PDE4A: variants seen among roughly 807,000 people sequenced by gnomAD.
PDE4A encodes 3',5'-cyclic-AMP phosphodiesterase 4A.
PDE4A carries 21 observed loss-of-function variants against 73.9 expected under a neutral mutation model. That is an observed-to-expected ratio of 0.28 (90% CI 0.20 to 0.41). PDE4A has a LOEUF of 0.41. PDE4A is among the 10% of genes least tolerant of loss of function. PDE4A has a pLI of 1.00. For synonymous variants in PDE4A, 463 were observed against 505.4 expected, an observed-to-expected ratio of 0.92 and a Z score of 1.13; for missense variants, 958 against 1,211.4, an observed-to-expected ratio of 0.79 and a Z score of 3.10.
At position 10,446,296 on chromosome 19, in the gene PDE4A, G is replaced by A. The variant is rs368112116; in HGVS notation, c.399G>A (p.Leu133=). The A allele has an allele frequency of 1.2e-6, 2 of 1,610,904 alleles. No homozygotes were observed. Among genetic ancestry groups the A allele is most frequent in the Non-Finnish European group, 8.5e-7 (1 of 1,178,604 alleles). The part of the protein sequence containing the change: ...LDSQASPGLV[L]HAGAATSQRR... Reference sequence around the variant, plus strand: ...CGCAGGCGAGCCCAGGACTCGTGCTGCACGCCGGGGCGGCCACCAGCCAGC... The same window carrying A: ...CGCAGGCGAGCCCAGGACTCGTGCTACACGCCGGGGCGGCCACCAGCCAGC... Residue 133 remains leucine (L), a synonymous_variant, in exon 2 of 15, where the codon CTG becomes CTA. Coordinates refer to ENST00000380702, the MANE Select transcript of PDE4A (RefSeq NM_001111307.2).
chr19:10,416,870 G>A (rs1472619781), upstream of PDE4A: 1 of 1,534,000 alleles, frequency 6.5e-7, no homozygotes, highest in African/African-American at 1.4e-5. Context: ...GATGCGTTTG[G>A]CTTGGTCTTG....
chr19:10,442,568 T>C (rs1304154078), intron 1 of PDE4A, among the ~76,000 whole-genome samples: 1 of 151,802 alleles, frequency 6.6e-6, no homozygotes, highest in Non-Finnish European at 1.5e-5. Context: ...AAGACACGCT[T>C]TAGGCATAGC....
In PDE4A at chr19:10,463,864, G is replaced by T; in HGVS notation, c.1815G>T (p.Trp605Cys). ...AGCCGCTGGAGCTGTACCGCCAGTG[G>T]ACAGACCGCATCATGGCCGAGTTCT... ...PTKPLELYRQ[W>C]TDRIMAEFFQ... The change falls in exon 14 of 15, where the codon TGG becomes TGT. Residue 605 changes from tryptophan to cysteine, a missense_variant. By Grantham distance (215) the Trp-to-Cys change is radical. Coordinates refer to ENST00000380702, the MANE Select transcript of PDE4A (RefSeq NM_001111307.2). 3 of 1,614,144 alleles carry T rather than the reference G, an allele frequency of 1.9e-6. No homozygotes were observed. Among genetic ancestry groups the T allele is most frequent in the Non-Finnish European group, 2.5e-6 (3 of 1,180,024 alleles).
intron 1 of PDE4A, among the ~76,000 whole-genome samples, chr19:10,438,259 C>G (rs974574627): frequency 1.3e-5 from 2 of 151,678 alleles, no homozygotes; most frequent in African/African-American, 4.8e-5. Flanking sequence ...ATTACAGGCA[C>G]GCACCACCAC....
chr19:10,459,276 C>T (rs1289260488), intron 8 of PDE4A, 124 bp from the exon 9 acceptor site: 2 of 1,513,950 alleles, frequency 1.3e-6, no homozygotes, highest in Non-Finnish European at 1.8e-6. Flanking sequence ...TGCTGTTGAA[C>T]CTGTCACCCA....
In PDE4A at chr19:10,463,683, G is replaced by A. The variant is rs59080154; in HGVS notation, c.1744-110G>A. ...CCCAAAGTACTGGAATTACAGGCGT[G>A]AGCCACAGTGCCTGGCCCCCATTTC... On this transcript the variant is annotated intron_variant, in intron 13 of 14. Transcript: ENST00000380702. The A allele has an allele frequency of 1.8e-3, 2,837 of 1,540,392 alleles. 55 individuals carry two copies. The African/African-American group carries it at 0.033, about 18-fold the overall frequency.
chr19:10,459,128 T>G, intron 8 of PDE4A: 1 of 480,504 alleles, frequency 2.1e-6, no homozygotes, highest in Non-Finnish European at 3.7e-6. Context: ...ATCGCCTCTC[T>G]GAGCCTTGGT....
intron 1 of PDE4A, among the ~76,000 whole-genome samples, chr19:10,444,109 G>A (rs1037016241): frequency 2.0e-5 from 3 of 151,076 alleles, no homozygotes; most frequent in Admixed American, 2.0e-4. Flanking sequence ...GGCTGGGCAC[G>A]GTGGCTCACG....
At chr19:10,423,091 G>T (rs1352381496) in intron 1 of PDE4A, 1 of 984,690 alleles carries the variant, frequency 1.0e-6, no homozygotes, top group Admixed American at 6.2e-5. Flanking sequence ...CAGTGCCCTG[G>T]GTATTCCAGC....
At chr19:10,454,012 G>A (rs537737101) in intron 6 of PDE4A, among the ~76,000 whole-genome samples, 1 of 152,238 alleles carries the variant, frequency 6.6e-6, no homozygotes, top group East Asian at 1.9e-4. Context: ...GGCAGAGCTT[G>A]GGGGTGGGGA....
intron 1 of PDE4A, chr19:10,432,456 C>T (rs1183420476): frequency 2.0e-5 from 30 of 1,486,610 alleles, no homozygotes; most frequent in African/African-American, 4.4e-5. Context: ...TGCAGCGCCC[C>T]GGGCCCGGCC....
chr19:10,463,194 A>G (rs1242903948), intron 13 of PDE4A, among the ~76,000 whole-genome samples: 5 of 151,382 alleles, frequency 3.3e-5, no homozygotes, highest in African/African-American at 7.3e-5. Flanking sequence ...GGCTGCAGCA[A>G]TTCTCCTGCC....
upstream of PDE4A, chr19:10,417,984 G>C: frequency 8.5e-7 from 1 of 1,178,840 alleles, no homozygotes; most frequent in Non-Finnish European, 1.2e-6. Flanking sequence ...AAAACTAGCT[G>C]CAACTTGTCC....
chr19:10,453,350 G>T lies in PDE4A; in HGVS notation c.784-1479G>T. On this transcript the variant is annotated intron_variant, in intron 6 of 14. Transcript: ENST00000380702. This position sits in a 1 kb window ranked among gnomAD's most constrained non-coding sequence, Gnocchi z 4.6. ...ACCAGGTAGGAGAGTGCAGGGTAGG[G>T]GGTGGGCGGGCATCCTGGTGAGCTG... is the stretch of plus-strand genomic sequence containing the variant. 2 of 1,607,344 alleles carry T rather than the reference G, an allele frequency of 1.2e-6. No individual in the cohort carries two copies. The highest frequency in any genetic ancestry group is 1.7e-4 in the Middle Eastern group (1 of 5,946).
intron 3 of PDE4A, 31 bp from the exon 4 acceptor site, chr19:10,449,048 AC>A: frequency 6.2e-7 from 1 of 1,612,236 alleles, no homozygotes; most frequent in South Asian, 1.1e-5. Context: ...CTCTAGGGGA[AC>A]CCCACTCCTC....
At chr19:10,463,395 CTTTTTTTTTT>C (rs35214617) in intron 13 of PDE4A, among the ~76,000 whole-genome samples, 1 of 100,398 alleles carries the variant, frequency 1.0e-5, no homozygotes, top group Non-Finnish European at 1.9e-5. Flanking sequence ...CAGCCCCATT[CTTTTTTTTTT>C]TTTTTTTTTT....
chr19:10,433,588 C>T (rs2042823654), intron 1 of PDE4A, among the ~76,000 whole-genome samples: 2 of 152,178 alleles, frequency 1.3e-5, no homozygotes, highest in Admixed American at 1.3e-4. Context: ...GCACCCAGCC[C>T]CTGCTCACAC....
Position 10,424,530 on chromosome 19 carries a change from C to T in PDE4A, c.320+3446C>T, listed in dbSNP as rs1366130106. Reference sequence around the variant, plus strand: ...ACAGCCTGGGTGTGCGCTCCGAGCGCGGACCTGCTCCAGGGACGCCGCCAG... The same window carrying T: ...ACAGCCTGGGTGTGCGCTCCGAGCGTGGACCTGCTCCAGGGACGCCGCCAG... On this transcript the variant is annotated intron_variant, in intron 1 of 14. Transcript: ENST00000380702. This position sits in a 1 kb window ranked among gnomAD's most constrained non-coding sequence, Gnocchi z 4.8. 6.6e-6 allele frequency among the ~76,000 whole-genome samples: 1 copy of T among 152,238 alleles called. No individual in the cohort carries two copies. The highest frequency in any genetic ancestry group is 2.4e-5 in the African/African-American group (1 of 41,460).
Position 10,449,066 on chromosome 19 carries a change from G to A in PDE4A, c.550-14G>A, listed in dbSNP as rs201303778. The A allele has an allele frequency of 1.2e-4, 190 of 1,612,810 alleles. 1 individual carries two copies. Among genetic ancestry groups the A allele is most frequent in the Non-Finnish European group, 1.2e-4 (139 of 1,179,520 alleles). ...TAGGGGAACCCCACTCCTCACTGCC[G>A]CTCCCCATCCCAGGTGCTGGCCAGC... On this transcript the variant is annotated splice_polypyrimidine_tract_variant and intron_variant, in intron 3 of 14. Transcript: ENST00000380702.
Sources: allele counts gnomAD v4.1 joint callset (sites outside exome capture counted in the v4.1 genomes callset), GRCh38; gene constraint gnomAD v4.1.1; non-coding constraint Gnocchi (gnomAD v3.1); transcripts MANE v1.5; gene names NCBI Gene and HGNC (gene_info 2026-07-23, HGNC 2026-07-21).